The following PCNX2 variants were observed in gnomAD, a reference collection of about 807,000 sequenced individuals.
The protein encoded by PCNX2 is pecanex-like protein 2.
Under a neutral mutation model 223.8 loss-of-function variants are expected in PCNX2, and 168 were observed. The ratio of observed to expected loss-of-function variants is 0.75; its 90% CI spans 0.66 to 0.85. The LOEUF is 0.85. Among genes scored for constraint, PCNX2 ranks in the 40% least tolerant of loss-of-function variants. The probability of loss-of-function intolerance (pLI) is 0.00; values close to 1 mark genes in which losing one functional copy is unlikely to be tolerated. For synonymous variants in PCNX2, 1,006 were observed against 1,052.6 expected (o/e 0.96, Z 0.86); for missense variants, 2,507 against 2,675.5 (o/e 0.94, Z 1.39).
rs561521413 is a variant in PCNX2 at position 233,196,461 on chromosome 1, C to T, written c.3066+2478G>A. Reference sequence around the variant, plus strand: ...AGCCTGAAAAAAAAAATGTGTGTAGCATATATCTGTTAAAGGACTTGTATC... The same window carrying T: ...AGCCTGAAAAAAAAAATGTGTGTAGTATATATCTGTTAAAGGACTTGTATC... On this transcript the variant is annotated intron_variant, in intron 15 of 33. Coordinates refer to ENST00000258229, the MANE Select transcript of PCNX2 (RefSeq NM_014801.4). 4.3e-4 allele frequency among the ~76,000 whole-genome samples: 65 copies of T among 151,778 alleles called. 1 individual carries two copies. The Middle Eastern group carries it at 0.01, about 24-fold the overall frequency.
chr1:233,147,309 T>C (rs1397758781), intron 19 of PCNX2, among the ~76,000 whole-genome samples: 2 of 152,230 alleles, frequency 1.3e-5, no homozygotes, highest in African/African-American at 4.8e-5. Flanking sequence ...TTATATGTAT[T>C]ATATACTGTA....
At chr1:233,222,008 G>A (rs550129906) in intron 10 of PCNX2, among the ~76,000 whole-genome samples, 17 of 152,272 alleles carry the variant, frequency 1.1e-4, no homozygotes, top group East Asian at 5.8e-4. Context: ...GGTGCCATAA[G>A]TAAGTATCAA....
intron 1 of PCNX2, among the ~76,000 whole-genome samples, chr1:233,293,356 T>C (rs751859875): frequency 1.3e-5 from 2 of 152,234 alleles, no homozygotes; most frequent in Non-Finnish European, 2.9e-5. Flanking sequence ...AAGTTAATTA[T>C]ATATGAGATC....
At chr1:233,022,433 C>T (rs1670924107) in intron 26 of PCNX2, among the ~76,000 whole-genome samples, 1 of 152,058 alleles carries the variant, frequency 6.6e-6, no homozygotes, top group Admixed American at 6.6e-5. Flanking sequence ...TGGGCATGGC[C>T]CCGGGCTGTC....
intron 28 of PCNX2, among the ~76,000 whole-genome samples, chr1:233,008,780 T>G (rs1233618426): frequency 1.3e-5 from 2 of 152,066 alleles, no homozygotes; most frequent in Non-Finnish European, 1.5e-5. Context: ...CATCCCAGGG[T>G]TGAAGCATCC....
intron 10 of PCNX2, 130 bp from the exon 11 acceptor site, chr1:233,218,314 T>G: frequency 1.2e-6 from 1 of 800,254 alleles, no homozygotes; most frequent in Non-Finnish European, 1.9e-6. Flanking sequence ...AGTGGCATGA[T>G]CTCAGCTCAC....
chr1:233,019,088 G>A (rs1023126959), intron 26 of PCNX2: 3 of 981,392 alleles, frequency 3.1e-6, no homozygotes, highest in Non-Finnish European at 3.6e-6. Flanking sequence ...GGTTTCAAGG[G>A]TTTTTTTTTA....
intron 28 of PCNX2, among the ~76,000 whole-genome samples, chr1:233,005,902 C>T (rs942313838): frequency 9.2e-5 from 14 of 152,194 alleles, no homozygotes; most frequent in African/African-American, 2.9e-4. Flanking sequence ...GGTTGGCCTT[C>T]CTGGGGACTA....
At chr1:233,178,973 G>T in intron 16 of PCNX2, 93 bp downstream of exon 16, 1 of 1,083,556 alleles carries the variant, frequency 9.2e-7, no homozygotes. Context: ...AATGGGCAGT[G>T]AATTGCTGTC....
At chr1:233,085,070 C>T (rs1673533382) in intron 23 of PCNX2, among the ~76,000 whole-genome samples, 1 of 152,204 alleles carries the variant, frequency 6.6e-6, no homozygotes, top group Non-Finnish European at 1.5e-5. Flanking sequence ...CGTGGTGGCT[C>T]ACGCCTGTAA....
chr1:233,158,153 G>C (rs1678240812), intron 19 of PCNX2, among the ~76,000 whole-genome samples: 1 of 151,712 alleles, frequency 6.6e-6, no homozygotes, highest in Admixed American at 6.6e-5. Flanking sequence ...AGATGCAGGA[G>C]AGAAAAACAA....
intron 15 of PCNX2, among the ~76,000 whole-genome samples, chr1:233,191,669 C>T (rs1347046246): frequency 6.6e-6 from 1 of 152,214 alleles, no homozygotes; most frequent in Non-Finnish European, 1.5e-5. Context: ...CAACTCCTCT[C>T]TCCATTTGAA....
chr1:233,112,972 G>C (rs990380363), intron 21 of PCNX2: 1 of 1,289,216 alleles, frequency 7.8e-7, no homozygotes, highest in African/African-American at 1.5e-5. Flanking sequence ...CCGTCCTAGG[G>C]AGGAGAAGAC....
intron 1 of PCNX2, among the ~76,000 whole-genome samples, chr1:233,285,224 T>C (rs969313719): frequency 2.0e-5 from 3 of 152,094 alleles, no homozygotes; most frequent in Admixed American, 2.0e-4. Context: ...TGGTGGTGCA[T>C]GCCTGAAGTC....
chr1:233,289,118 T>G, intron 1 of PCNX2: 1 of 907,784 alleles, frequency 1.1e-6, no homozygotes, highest in Non-Finnish European at 1.9e-6. Flanking sequence ...GCTTATATTT[T>G]GTACAGCTTT....
At chr1:233,249,196 G>A (rs1659305642) in intron 8 of PCNX2, among the ~76,000 whole-genome samples, 2 of 152,050 alleles carry the variant, frequency 1.3e-5, no homozygotes, top group South Asian at 4.2e-4. Flanking sequence ...TACCATTACT[G>A]ACAAATGCAG....
At chr1:233,086,443 G>A (rs1016522691) in intron 23 of PCNX2, among the ~76,000 whole-genome samples, 1 of 152,060 alleles carries the variant, frequency 6.6e-6, no homozygotes, top group Non-Finnish European at 1.5e-5. Flanking sequence ...GGATCACAAG[G>A]TCAGGAGATC....
At chr1:233,267,843 C>A (rs1660423946) in intron 1 of PCNX2, among the ~76,000 whole-genome samples, 1 of 152,166 alleles carries the variant, frequency 6.6e-6, no homozygotes, top group African/African-American at 2.4e-5. Flanking sequence ...GTACACATAT[C>A]TGAAGCCCTG....
chr1:233,048,710 A>G (rs1283850533), intron 25 of PCNX2, among the ~76,000 whole-genome samples: 1 of 152,212 alleles, frequency 6.6e-6, no homozygotes, highest in East Asian at 1.9e-4. Context: ...AAGAGTCAAC[A>G]AAACCAAAAG....
Sources: gnomAD v4.1 joint callset for allele counts (sites outside exome capture counted in the v4.1 genomes callset) on GRCh38, gnomAD v4.1.1 for gene constraint, MANE v1.5 for transcripts, NCBI Gene and HGNC (gene_info 2026-07-23, HGNC 2026-07-21) for gene names.